Variants in PALLD observed in about 807,000 individuals in gnomAD.
The protein encoded by PALLD is palladin, cytoskeletal associated protein.
Under a neutral mutation model 123.5 loss-of-function variants are expected in PALLD, and 61 were observed. The observed-to-expected ratio is 0.49, with a 90% confidence interval of 0.40 to 0.61. PALLD has a LOEUF of 0.61. PALLD is among the 20% of genes least tolerant of loss of function. The pLI, the probability that PALLD is intolerant of heterozygous loss-of-function variation, is 0.00. For synonymous variants in PALLD, 465 were observed against 496.4 expected (o/e 0.94, Z 0.84); for missense variants, 1,273 against 1,377.0 (o/e 0.92, Z 1.20).
chr4:168,537,254 A>T (rs1765190492), intron 2 of PALLD, among the ~76,000 whole-genome samples: 1 of 152,250 alleles, frequency 6.6e-6, no homozygotes, highest in South Asian at 2.1e-4. Flanking sequence ...AATTGGGCAC[A>T]AAAAACAGCT....
intron 9 of PALLD, 53 bp downstream of exon 9, chr4:168,709,200 G>T: frequency 3.8e-6 from 6 of 1,598,648 alleles, no homozygotes; most frequent in Non-Finnish European, 4.3e-6. Context: ...CACCAGTGTG[G>T]ATGGCCACAG....
At chr4:168,886,154 T>A (rs377484266) in intron 10 of PALLD, among the ~76,000 whole-genome samples, 15 of 152,352 alleles carry the variant, frequency 9.8e-5, no homozygotes, top group African/African-American at 2.4e-4. Context: ...TTGGTTTTTT[T>A]AATATATTTT....
At chr4:168,898,750 C>T in intron 14 of PALLD, 36 bp downstream of exon 14, 2 of 1,403,182 alleles carry the variant, frequency 1.4e-6, no homozygotes, top group Non-Finnish European at 2.0e-6. Flanking sequence ...AAGAGTCATT[C>T]TCTGAGGAAA....
intron 2 of PALLD, among the ~76,000 whole-genome samples, chr4:168,534,755 C>T (rs1764934709): frequency 6.6e-6 from 1 of 152,144 alleles, no homozygotes; most frequent in Admixed American, 6.5e-5. Flanking sequence ...GTCATGACAG[C>T]CACAGGGGCA....
rs1188891587 is a variant in PALLD at position 168,548,183 on chromosome 4, G to A, written c.908+35771G>A. Among the ~76,000 whole-genome samples, 4 of 152,032 alleles carry A rather than the reference G, an allele frequency of 2.6e-5. No homozygotes were observed. The East Asian group carries it at 7.7e-4, about 29-fold the overall frequency. ...ATGAGACAAAAGGATCTTATCTAAA[G>A]CCATTAATAAGAAATTCTAAAAGAT... On this transcript the variant is annotated intron_variant, in intron 2 of 21. Coordinates refer to ENST00000505667, the MANE Select transcript of PALLD (RefSeq NM_001166108.2).
intron 2 of PALLD, among the ~76,000 whole-genome samples, chr4:168,614,290 A>C (rs533054069): frequency 6.6e-6 from 1 of 152,364 alleles, no homozygotes; most frequent in South Asian, 2.1e-4. Context: ...AAATAATAAT[A>C]GTAATAAATT....
At chr4:168,823,679 A>C (rs892846103) in intron 10 of PALLD, among the ~76,000 whole-genome samples, 3 of 149,820 alleles carry the variant, frequency 2.0e-5, no homozygotes, top group Admixed American at 2.0e-4. Flanking sequence ...GACCCATTTC[A>C]AAAAAAAAGA....
intron 2 of PALLD, among the ~76,000 whole-genome samples, chr4:168,604,220 A>G (rs1772947187): frequency 6.6e-6 from 1 of 152,266 alleles, no homozygotes; most frequent in African/African-American, 2.4e-5. Context: ...AAGGACAAAA[A>G]GACACTTGAA....
chr4:168,590,080 G>GT (rs1771248612), intron 2 of PALLD, among the ~76,000 whole-genome samples: 1 of 152,250 alleles, frequency 6.6e-6, no homozygotes, highest in Non-Finnish European at 1.5e-5. Context: ...GCTCACGCCT[G>GT]TAATCCCAGT....
At position 168,742,957 on chromosome 4, in the gene PALLD, C is replaced by T. The variant is rs527616461; in HGVS notation, c.1964+31034C>T. ...GTCATCTGGATTCCTGGCCTTCCTC[C>T]TGCTATTCTCTTCTGTAATCTCCAT... On this transcript the variant is annotated intron_variant, in intron 10 of 21. Coordinates refer to ENST00000505667, the MANE Select transcript of PALLD (RefSeq NM_001166108.2). Among the ~76,000 whole-genome samples, 13 of 152,300 alleles carry T rather than the reference C, an allele frequency of 8.5e-5. No individual in the cohort carries two copies. The South Asian group carries it at 2.5e-3, about 29-fold the overall frequency.
rs1476681426 is a variant in PALLD at position 168,899,155 on chromosome 4, T to C, written c.2472+441T>C. 2.0e-5 allele frequency among the ~76,000 whole-genome samples: 3 copies of C among 152,130 alleles called. No homozygotes were observed. In the East Asian group the frequency reaches 5.8e-4, roughly 29 times the overall value. On this transcript the variant is annotated intron_variant, in intron 14 of 21. Transcript: ENST00000505667. The stretch of plus-strand genomic sequence containing the variant: ...CAATCTTTAATCAAAAAACCAAGGC[T>C]GCTTATATTAATATTTACAGAGGGA...
intron 2 of PALLD, among the ~76,000 whole-genome samples, chr4:168,615,692 G>A (rs1774161489): frequency 6.6e-6 from 1 of 152,150 alleles, no homozygotes; most frequent in South Asian, 2.1e-4. Context: ...CGATGTTGCT[G>A]CCTCCCCAGC....
At chr4:168,678,939 G>C (rs1485175860) in intron 3 of PALLD, among the ~76,000 whole-genome samples, 1 of 148,986 alleles carries the variant, frequency 6.7e-6, no homozygotes, top group Non-Finnish European at 1.5e-5. Context: ...GTGTGGCAGG[G>C]TGTGTGTGGT....
chr4:168,872,454 A>T (rs1751207835), intron 10 of PALLD, among the ~76,000 whole-genome samples: 1 of 152,206 alleles, frequency 6.6e-6, no homozygotes. Flanking sequence ...GGGCTTTGTA[A>T]AGAAACCTAT....
chr4:168,793,128 CAT>C (rs1176013584), intron 10 of PALLD, among the ~76,000 whole-genome samples: 1 of 137,134 alleles, frequency 7.3e-6, no homozygotes, highest in Non-Finnish European at 1.6e-5. Context: ...TATGTGTGTG[CAT>C]ATATATACAT....
rs1784852596 is a variant in PALLD, at chr4:168,711,682, G to C, written c.1723G>C (p.Glu575Gln). 1 of 1,613,988 alleles carries C rather than the reference G, an allele frequency of 6.2e-7. No individual in the cohort carries two copies. The highest frequency in any genetic ancestry group is 2.2e-5 in the East Asian group (1 of 44,876). ...TCCAATCTTGGAGACAAGTTCCTTG[G>C]AGTTGGCTTCAAAGAAACCATCTGA... ...PPPILETSSL[E>Q]LASKKPSEIQ... The change falls in exon 10 of 22, where the codon GAG (glutamate) becomes CAG (glutamine). Residue 575 changes from glutamate (E) to glutamine (Q), a missense_variant. Physicochemically the swap from Glu to Gln is conservative, Grantham distance 29 (BLOSUM62 2). This residue lies in a region of PALLD where 944 missense variants were observed against 954.5 expected (regional missense o/e 0.99). Transcript: ENST00000505667.
intron 2 of PALLD, among the ~76,000 whole-genome samples, chr4:168,561,639 C>T (rs796077644): frequency 3.9e-5 from 6 of 152,292 alleles, no homozygotes; most frequent in African/African-American, 7.2e-5. Context: ...CATATTCATA[C>T]GCTTTTTTCT....
chr4:168,710,519 G>A (rs1003572753), intron 9 of PALLD, among the ~76,000 whole-genome samples: 3 of 152,196 alleles, frequency 2.0e-5, no homozygotes, highest in Non-Finnish European at 4.4e-5. Context: ...GCAAGAACTT[G>A]GTGCTAGGTG....
At chr4:168,710,219 A>G (rs182714113) in intron 9 of PALLD, among the ~76,000 whole-genome samples, 2 of 152,182 alleles carry the variant, frequency 1.3e-5, no homozygotes, top group Admixed American at 6.5e-5. Flanking sequence ...AAATATATGG[A>G]TATTTTCTAA....
Sources: allele counts gnomAD v4.1 joint callset (sites outside exome capture counted in the v4.1 genomes callset), GRCh38; gene constraint gnomAD v4.1.1; regional missense constraint gnomAD v4.1.1; transcripts MANE v1.5; gene names NCBI Gene and HGNC (gene_info 2026-07-23, HGNC 2026-07-21).